Variants in RBMS1 observed in about 807,000 individuals in gnomAD.
The protein encoded by RBMS1 is RNA binding motif single stranded interacting protein 1.
RBMS1 carries 17 observed loss-of-function variants against 62.3 expected under a neutral mutation model. The ratio of observed to expected loss-of-function variants is 0.27; its 90% CI spans 0.19 to 0.41. RBMS1 has a LOEUF of 0.41. RBMS1 is among the 10% of genes least tolerant of loss of function. The pLI, the probability that RBMS1 is intolerant of heterozygous loss-of-function variation, is 1.00. For synonymous variants in RBMS1, 172 were observed against 170.0 expected (o/e 1.01, Z -0.09); for missense variants, 334 against 504.5 (o/e 0.66, Z 3.24).
intron 1 of RBMS1, among the ~76,000 whole-genome samples, chr2:160,367,783 A>C (rs1308752071): frequency 6.6e-6 from 1 of 152,190 alleles, no homozygotes; most frequent in African/African-American, 2.4e-5. Context: ...CGTTTGATTG[A>C]AAGTTGCTTA....
intron 1 of RBMS1, among the ~76,000 whole-genome samples, chr2:160,430,118 A>G (rs1420014000): frequency 6.6e-6 from 1 of 152,224 alleles, no homozygotes; most frequent in East Asian, 1.9e-4. Context: ...TGGACATTCA[A>G]TCCCCAGCTG....
At chr2:160,408,650 G>C (rs1169453041) in intron 1 of RBMS1, 1 of 152,168 alleles carries the variant, frequency 6.6e-6, no homozygotes, top group Non-Finnish European at 1.5e-5. Flanking sequence ...TGTTTTCTTA[G>C]GACACAGAAA....
chr2:160,363,556 G>GGGAGAAGAAGGAAGAAGGGCT (rs1166665133), intron 2 of RBMS1, among the ~76,000 whole-genome samples: 2 of 151,978 alleles, frequency 1.3e-5, no homozygotes, highest in African/African-American at 4.8e-5. Flanking sequence ...TCTTCTGGTA[G>GGGAGAAGAAGGAAGAAGGGCT]GGAGAAGAAG....
chr2:160,352,379 AGT>A (rs1447103542), intron 2 of RBMS1, among the ~76,000 whole-genome samples: 1 of 152,170 alleles, frequency 6.6e-6, no homozygotes, highest in Non-Finnish European at 1.5e-5. Flanking sequence ...TCCTTGGAAC[AGT>A]GGCTACCAAA....
In RBMS1 at chr2:160,273,245, G is replaced by C. The variant is rs921026923; in HGVS notation, c.*1527C>G. 4 of 152,214 alleles carry C rather than the reference G, an allele frequency of 2.6e-5. No homozygotes were observed. Among genetic ancestry groups the C allele is most frequent in the African/African-American group, 4.8e-5 (2 of 41,454 alleles). 9.4% of individuals were successfully genotyped at this position (152,214 alleles called of 1,614,324 possible). A position where few individuals can be genotyped will look rare whatever the true frequency, so the allele number is the denominator to read the frequency against. Reference sequence around the variant, plus strand: ...TGAACACTTGTAGTGATGATGTAAAGTGTGGCACTGCTTGGATCCAAATCT... The same window carrying C: ...TGAACACTTGTAGTGATGATGTAAACTGTGGCACTGCTTGGATCCAAATCT... On this transcript the variant is annotated 3_prime_UTR_variant, in exon 14 of 14. Transcript: ENST00000348849.
At chr2:160,360,804 C>T (rs535756827) in intron 2 of RBMS1, among the ~76,000 whole-genome samples, 91 of 152,294 alleles carry the variant, frequency 6.0e-4, no homozygotes, top group Admixed American at 3.7e-3. Context: ...TCCCAGTACA[C>T]CACATTGATG....
chr2:160,299,345 T>C (rs989477719), intron 6 of RBMS1, among the ~76,000 whole-genome samples: 1 of 152,254 alleles, frequency 6.6e-6, no homozygotes, highest in Non-Finnish European at 1.5e-5. Context: ...AAGTAATTCA[T>C]AGTTTTTGTT....
At chr2:160,322,089 T>G (rs554664513) in intron 2 of RBMS1, among the ~76,000 whole-genome samples, 3 of 152,376 alleles carry the variant, frequency 2.0e-5, no homozygotes, top group Non-Finnish European at 4.4e-5. Flanking sequence ...ACTTATGTCC[T>G]AGACACTGTG....
At chr2:160,402,529 T>C (rs1574008506) in intron 1 of RBMS1, among the ~76,000 whole-genome samples, 2 of 152,340 alleles carry the variant, frequency 1.3e-5, no homozygotes, top group South Asian at 2.1e-4. Context: ...ACTGTTTATC[T>C]GAAATTCAAA....
chr2:160,372,689 C>A (rs1283712221), intron 1 of RBMS1, among the ~76,000 whole-genome samples: 2 of 152,178 alleles, frequency 1.3e-5, no homozygotes, highest in African/African-American at 4.8e-5. Context: ...AGAACATTTT[C>A]TTTGTTTCCT....
At chr2:160,462,408 A>G (rs1684503469) in intron 1 of RBMS1, among the ~76,000 whole-genome samples, 4 of 152,224 alleles carry the variant, frequency 2.6e-5, no homozygotes, top group Admixed American at 1.3e-4. Flanking sequence ...CAGAAAAGGA[A>G]GGAGGTGAAG....
intron 1 of RBMS1, among the ~76,000 whole-genome samples, chr2:160,409,244 G>A (rs550699364): frequency 1.3e-5 from 2 of 148,702 alleles, no homozygotes; most frequent in Non-Finnish European, 3.0e-5. Flanking sequence ...ATAAATAACC[G>A]TATAAAACAC....
chr2:160,391,629 C>T (rs1694869506), intron 1 of RBMS1, among the ~76,000 whole-genome samples: 1 of 152,094 alleles, frequency 6.6e-6, no homozygotes, highest in Non-Finnish European at 1.5e-5. Context: ...TTACCATGGC[C>T]TTCTGTCTCA....
At chr2:160,292,232 G>A (rs1688719828) in intron 6 of RBMS1, among the ~76,000 whole-genome samples, 1 of 152,176 alleles carries the variant, frequency 6.6e-6, no homozygotes, top group Non-Finnish European at 1.5e-5. Context: ...TTACTAGCTA[G>A]TGACTCCGGG....
intron 1 of RBMS1, among the ~76,000 whole-genome samples, chr2:160,419,367 T>A (rs1274961520): frequency 6.6e-6 from 1 of 152,168 alleles, no homozygotes; most frequent in Admixed American, 6.5e-5. Flanking sequence ...AAATGAATCA[T>A]AATTTAAGCT....
In RBMS1 at chr2:160,397,150, C is replaced by T. The variant is rs554589270; in HGVS notation, c.76-29759G>A. 2.0e-5 allele frequency among the ~76,000 whole-genome samples: 3 copies of T among 152,156 alleles called. No homozygotes were observed. The South Asian group carries it at 6.2e-4, about 32-fold the overall frequency. ...CCATGCCAACTCGTACCTCTGAACT[C>T]CCATGGCTCCTTACTACTGCTTGAG... is the stretch of plus-strand genomic sequence containing the variant. On this transcript the variant is annotated intron_variant, in intron 1 of 13. Coordinates refer to ENST00000348849, the MANE Select transcript of RBMS1 (RefSeq NM_016836.4).
At chr2:160,452,507 A>T (rs931383139) in intron 1 of RBMS1, among the ~76,000 whole-genome samples, 5 of 152,194 alleles carry the variant, frequency 3.3e-5, no homozygotes, top group Admixed American at 6.5e-5. Flanking sequence ...TGGTTATACT[A>T]TATTTTTTGT....
chr2:160,419,262 T>C (rs906265725), intron 1 of RBMS1, among the ~76,000 whole-genome samples: 1 of 152,186 alleles, frequency 6.6e-6, no homozygotes, highest in Non-Finnish European at 1.5e-5. Context: ...CTATTTGCTA[T>C]GAACATTATT....
intron 6 of RBMS1, among the ~76,000 whole-genome samples, chr2:160,291,044 C>A (rs1251687046): frequency 6.6e-6 from 1 of 152,210 alleles, no homozygotes; most frequent in Non-Finnish European, 1.5e-5. Context: ...AAAATCACTT[C>A]TAGAATGCCT....
Sources: gnomAD v4.1 joint callset for allele counts (sites outside exome capture counted in the v4.1 genomes callset) on GRCh38, gnomAD v4.1.1 for gene constraint, MANE v1.5 for transcripts, NCBI Gene and HGNC (gene_info 2026-07-23, HGNC 2026-07-21) for gene names.